The following GRIK3 variants were observed in gnomAD, a reference collection of about 807,000 sequenced individuals.
The protein encoded by GRIK3 is glutamate receptor ionotropic, kainate 3.
A neutral mutation model predicts 102.5 loss-of-function variants in GRIK3; 29 were observed. That is an observed-to-expected ratio of 0.28 (90% CI 0.21 to 0.39). GRIK3 has a LOEUF of 0.39. Ranked by LOEUF, GRIK3 falls within the 10% of genes least tolerant of loss-of-function variation. The probability of loss-of-function intolerance (pLI) is 1.00; values close to 1 mark genes in which losing one functional copy is unlikely to be tolerated. For missense variants in GRIK3, 908 were observed against 1,252.4 expected (o/e 0.73, Z 4.15); for synonymous variants, 511 against 504.9 (o/e 1.01, Z -0.16).
chr1:36,805,526 C>T (rs974818335), intron 14 of GRIK3, among the ~76,000 whole-genome samples: 1 of 152,214 alleles, frequency 6.6e-6, no homozygotes, highest in South Asian at 2.1e-4. Context: ...AGAGGGAAGG[C>T]AGGAATGGCC....
intron 10 of GRIK3, among the ~76,000 whole-genome samples, chr1:36,841,490 G>C (rs186180240): frequency 8.5e-5 from 13 of 152,310 alleles, no homozygotes; most frequent in Non-Finnish European, 1.8e-4. Flanking sequence ...GAATCAGATG[G>C]AGGCCAGTGC....
chr1:36,840,549 AC>A (rs199527593), intron 10 of GRIK3, among the ~76,000 whole-genome samples: 27,102 of 79,624 alleles, frequency 0.34, 3,052 homozygotes, highest in African/African-American at 0.46. Flanking sequence ...CCTGCTCTCC[AC>A]CAAAAAAAAA....
chr1:36,808,972 T>C (rs1484554623), intron 13 of GRIK3, among the ~76,000 whole-genome samples: 1 of 152,214 alleles, frequency 6.6e-6, no homozygotes, highest in Non-Finnish European at 1.5e-5. Flanking sequence ...ATCCTGGTTA[T>C]TGGAACCTAA....
At chr1:36,922,748 G>A (rs1412892795) in intron 1 of GRIK3, among the ~76,000 whole-genome samples, 11 of 152,146 alleles carry the variant, frequency 7.2e-5, no homozygotes, top group Admixed American at 1.3e-4. Flanking sequence ...AACAGGTTCC[G>A]GGAGGTGCGG....
chr1:36,869,897 TG>T, intron 4 of GRIK3, 96 bp from the exon 5 acceptor site: 1 of 836,094 alleles, frequency 1.2e-6, no homozygotes, highest in Non-Finnish European at 2.1e-6. Context: ...GGCAGTGGGT[TG>T]GGGAAGGCTG....
chr1:36,875,021 T>C (rs2124257003), intron 3 of GRIK3, among the ~76,000 whole-genome samples: 2 of 152,364 alleles, frequency 1.3e-5, no homozygotes, highest in Middle Eastern at 3.4e-3. Context: ...TCATGGTTGT[T>C]GGAATCATGC....
intron 1 of GRIK3, among the ~76,000 whole-genome samples, chr1:36,953,613 T>A (rs1641870239): frequency 6.6e-6 from 1 of 151,804 alleles, no homozygotes; most frequent in Non-Finnish European, 1.5e-5. Flanking sequence ...AGGTGGTGAA[T>A]CTGCACAATG....
At chr1:37,022,877 A>G (rs1642729564) in intron 1 of GRIK3, among the ~76,000 whole-genome samples, 1 of 152,254 alleles carries the variant, frequency 6.6e-6, no homozygotes. Context: ...TACAGCACTT[A>G]TCTCTAAAGT....
At chr1:36,972,786 G>A (rs1642158106) in intron 1 of GRIK3, among the ~76,000 whole-genome samples, 2 of 152,182 alleles carry the variant, frequency 1.3e-5, no homozygotes, top group South Asian at 2.1e-4. Flanking sequence ...CTCACCCAAT[G>A]TCCCTCAGCA....
chr1:36,814,993 A>G (rs1363342802), intron 13 of GRIK3, among the ~76,000 whole-genome samples: 1 of 152,200 alleles, frequency 6.6e-6, no homozygotes, highest in Non-Finnish European at 1.5e-5. Flanking sequence ...AGTTGTGCAC[A>G]GGCACATGTG....
At chr1:36,832,753 AC>A (rs1640321100) in intron 10 of GRIK3, among the ~76,000 whole-genome samples, 2 of 151,934 alleles carry the variant, frequency 1.3e-5, no homozygotes, top group East Asian at 3.9e-4. Flanking sequence ...TGCTTCATAG[AC>A]CCCATAGGGG....
chr1:36,991,257 A>C (rs960380690), intron 1 of GRIK3, among the ~76,000 whole-genome samples: 14 of 152,336 alleles, frequency 9.2e-5, no homozygotes, highest in African/African-American at 3.4e-4. Flanking sequence ...TGCATCATAA[A>C]TGCAGTTCCC....
intron 11 of GRIK3, among the ~76,000 whole-genome samples, chr1:36,820,751 G>A (rs1231936259): frequency 6.6e-6 from 1 of 152,174 alleles, no homozygotes; most frequent in Non-Finnish European, 1.5e-5. Flanking sequence ...ATCCCCCGGA[G>A]AGAACAATGC....
rs997665926 is a variant in GRIK3, at chr1:36,800,536, A to G, written c.*1315T>C. The G allele has an allele frequency of 6.6e-6, 1 of 152,206 alleles. No homozygotes were observed. The highest frequency in any genetic ancestry group is 1.5e-5 in the Non-Finnish European group (1 of 68,052). 9.4% of individuals were successfully genotyped at this position (152,206 alleles called of 1,614,324 possible). The stretch of plus-strand genomic sequence containing the variant: ...ATGCCATAGCTGCTCTGGACAACAG[A>G]CAAGGGGCCAGGATGGCCTCATGTC... On this transcript the variant is annotated 3_prime_UTR_variant, in exon 16 of 16. Transcript: ENST00000373091.
chr1:36,822,978 C>A (rs950775), intron 11 of GRIK3, among the ~76,000 whole-genome samples: 1 of 152,160 alleles, frequency 6.6e-6, no homozygotes, highest in Non-Finnish European at 1.5e-5. Flanking sequence ...GCCAGGCCAG[C>A]GTGCAAGATG....
At chr1:36,923,699 G>A (rs1266045139) in intron 1 of GRIK3, among the ~76,000 whole-genome samples, 4 of 152,160 alleles carry the variant, frequency 2.6e-5, no homozygotes, top group African/African-American at 7.2e-5. Context: ...CACATCATAG[G>A]CTTCTAGGAT....
intron 1 of GRIK3, among the ~76,000 whole-genome samples, chr1:36,952,968 C>T (rs972489036): frequency 4.6e-5 from 7 of 152,216 alleles, no homozygotes; most frequent in Non-Finnish European, 1.0e-4. Flanking sequence ...GGAGAATCAG[C>T]ATCACCATCA....
chr1:36,817,521 A>G (rs894586670), intron 12 of GRIK3, among the ~76,000 whole-genome samples: 1 of 152,238 alleles, frequency 6.6e-6, no homozygotes, highest in Non-Finnish European at 1.5e-5. Flanking sequence ...GGTGGGAACC[A>G]GCAATATGTT....
chr1:36,886,489 C>G (rs1641038843), intron 2 of GRIK3, among the ~76,000 whole-genome samples: 1 of 152,190 alleles, frequency 6.6e-6, no homozygotes, highest in African/African-American at 2.4e-5. Flanking sequence ...ACATGGGGCT[C>G]TCCCTGAGGG....
Sources: gnomAD v4.1 joint callset for allele counts (sites outside exome capture counted in the v4.1 genomes callset) on GRCh38, gnomAD v4.1.1 for gene constraint, MANE v1.5 for transcripts, NCBI Gene and HGNC (gene_info 2026-07-23, HGNC 2026-07-21) for gene names.